Variants in GMEB2 observed in about 807,000 individuals in gnomAD.
GMEB2 encodes the protein glucocorticoid modulatory element-binding protein 2.
A neutral mutation model predicts 45.7 loss-of-function variants in GMEB2; 7 were observed. The ratio of observed to expected loss-of-function variants is 0.15; its 90% confidence interval spans 0.09 to 0.29. The LOEUF (loss-of-function observed/expected upper bound fraction) is 0.29. GMEB2 is among the 10% of genes least tolerant of loss of function. The probability of loss-of-function intolerance (pLI) is 1.00; values close to 1 mark genes in which losing one functional copy is unlikely to be tolerated. For missense variants in GMEB2, 582 were observed against 739.2 expected (o/e 0.79, Z 2.47); for synonymous variants, 322 against 323.6 (o/e 1.00, Z 0.05).
chr20:63,598,343 GACACAC>G (rs67747559), intron 4 of GMEB2, among the ~76,000 whole-genome samples: 10 of 146,160 alleles, frequency 6.8e-5, no homozygotes, highest in Non-Finnish European at 9.0e-5. Context: ...CTCTCACTCT[GACACAC>G]ACACACACAC....
intron 6 of GMEB2, among the ~76,000 whole-genome samples, chr20:63,594,587 C>T (rs534020677): frequency 6.6e-6 from 1 of 152,320 alleles, no homozygotes; most frequent in South Asian, 2.1e-4. Context: ...CTGGGTCCCA[C>T]CTGGGCCAAC....
rs557775803 is a variant in GMEB2, at chr20:63,593,760, G to A, written c.620-678C>T. On this transcript the variant is annotated intron_variant, in intron 6 of 9. Coordinates refer to ENST00000370077, the MANE Select transcript of GMEB2 (RefSeq NM_012384.5). This position sits in a 1 kb window ranked among gnomAD's most constrained non-coding sequence, Gnocchi z 4.7. ...CCCGGGGCCGGATGTGGTGGCTCAC[G>A]CCTGTAATCCAGGCACTTTGGGAGA... Among the ~76,000 whole-genome samples, 4 of 152,296 alleles carry A rather than the reference G, an allele frequency of 2.6e-5. No individual in the cohort carries two copies. In the South Asian group the frequency reaches 8.3e-4, roughly 32 times the overall value.
rs546726142 is a variant in GMEB2, at chr20:63,615,687, G to A, written c.131+3580C>T. Reference sequence around the variant, plus strand: ...GAAGAGATGAAAATTCATCAACATGGAAAGACAAAGATCATTAACTAAAGC... The same window carrying A: ...GAAGAGATGAAAATTCATCAACATGAAAAGACAAAGATCATTAACTAAAGC... On this transcript the variant is annotated intron_variant, in intron 2 of 9. Transcript: ENST00000370077. 6.6e-5 allele frequency among the ~76,000 whole-genome samples: 10 copies of A among 152,210 alleles called. No individual in the cohort carries two copies. The South Asian group carries it at 2.1e-3, about 32-fold the overall frequency.
At chr20:63,595,534 C>T in intron 6 of GMEB2, 76 bp downstream of exon 6, 2 of 1,379,124 alleles carry the variant, frequency 1.5e-6, no homozygotes, top group South Asian at 1.3e-5. Flanking sequence ...CCAAGGAGGC[C>T]ACCCAGGGGC....
intron 4 of GMEB2, among the ~76,000 whole-genome samples, chr20:63,601,833 C>CTTCCGTGGGGCCTGTGGCT (rs1555893588): frequency 2.7e-4 from 39 of 146,080 alleles, no homozygotes; most frequent in African/African-American, 9.4e-4. Flanking sequence ...CTGCCTGTGG[C>CTTCCGTGGGGCCTGTGGCT]TTCCGTGGGG....
intron 2 of GMEB2, among the ~76,000 whole-genome samples, chr20:63,618,169 G>A (rs2089622618): frequency 6.6e-6 from 1 of 152,216 alleles, no homozygotes; most frequent in African/African-American, 2.4e-5. Flanking sequence ...CACGGAAGCT[G>A]TGCACCAAGG....
chr20:63,618,049 C>T (rs4809586), intron 2 of GMEB2, among the ~76,000 whole-genome samples: 26,052 of 152,198 alleles, frequency 0.17, 3,051 homozygotes, highest in East Asian at 0.49. Flanking sequence ...CCCCAGCAGC[C>T]GCGGCCACGG....
chr20:63,591,625 A>G (rs1024184823), intron 9 of GMEB2, among the ~76,000 whole-genome samples: 17 of 151,840 alleles, frequency 1.1e-4, no homozygotes, highest in Non-Finnish European at 1.3e-4. Flanking sequence ...CACCATGCCC[A>G]GTTTTGTTTT....
Position 63,588,821 on chromosome 20 carries a change from G to C in GMEB2, c.*1268C>G. On this transcript the variant is annotated 3_prime_UTR_variant, in exon 10 of 10. Transcript: ENST00000370077. ...TGGAGACGGCAGGAGGCCTGGGCTG[G>C]CTGCTCCCTGAGATGCCTGCCCCAG... The C allele has an allele frequency of 5.0e-6, 2 of 398,756 alleles. No homozygotes were observed. 24.7% of individuals were successfully genotyped at this position (398,756 alleles called of 1,614,324 possible).
Position 63,595,827 on chromosome 20 carries a change from C to T in GMEB2, c.462-60G>A, listed in dbSNP as rs2282157. 1,363 of 1,540,274 alleles carry T rather than the reference C, an allele frequency of 8.8e-4. 10 individuals are homozygous for T. The African/African-American group carries it at 0.017, about 19-fold the overall frequency. On this transcript the variant is annotated intron_variant, in intron 5 of 9. Transcript: ENST00000370077. ...GCCCCAGAGCCGAAGGCACCTGGCC[C>T]GCCCACCCTGACCTGGGCCATCCAC...
intron 1 of GMEB2, among the ~76,000 whole-genome samples, chr20:63,623,910 G>A (rs555834000): frequency 6.7e-6 from 1 of 149,662 alleles, no homozygotes; most frequent in Non-Finnish European, 1.5e-5. Context: ...TCAGGAGTTA[G>A]ACCAGCCTGG....
At position 63,589,321 on chromosome 20, in the gene GMEB2, C is replaced by T. The variant is rs2083122443; in HGVS notation, c.*768G>A. 1 of 398,166 alleles carries T rather than the reference C, an allele frequency of 2.5e-6. No individual in the cohort carries two copies. The highest frequency in any genetic ancestry group is 2.1e-5 in the African/African-American group (1 of 48,628). The allele number at this position is 398,166 out of a possible 1,614,324, so 24.7% of individuals were successfully genotyped here. A position where few individuals can be genotyped will look rare whatever the true frequency, so the allele number is the denominator to read the frequency against. On this transcript the variant is annotated 3_prime_UTR_variant, in exon 10 of 10. Coordinates refer to ENST00000370077, the MANE Select transcript of GMEB2 (RefSeq NM_012384.5). ...CTAACTCGGGAAGCCTAGGCACTCA[C>T]CATTATTTTGGTTGAAAATGCTATA... is the stretch of plus-strand genomic sequence containing the variant.
chr20:63,606,635 C>T (rs909745909), intron 2 of GMEB2, among the ~76,000 whole-genome samples: 3 of 152,156 alleles, frequency 2.0e-5, no homozygotes, highest in African/African-American at 7.2e-5. Context: ...GCATGAGCCA[C>T]TGCGCCCAGC....
At chr20:63,606,917 C>T (rs537045809) in intron 2 of GMEB2, among the ~76,000 whole-genome samples, 106 of 152,300 alleles carry the variant, frequency 7.0e-4, no homozygotes, top group African/African-American at 2.4e-3. Flanking sequence ...CGTTACCACG[C>T]GTACGGGAGA....
At position 63,588,168 on chromosome 20, in the gene GMEB2, C is replaced by CT. The variant is rs1244236083; in HGVS notation, c.*1920dup. On this transcript the variant is annotated 3_prime_UTR_variant, in exon 10 of 10. Transcript: ENST00000370077. ...TGGCTCTGAAATTAACTTCCTCTCC[C>CT]TATGCCTCAGTAGCTAAGGGGCAGG... 6.6e-5 allele frequency: 10 copies of CT among 152,408 alleles called. No homozygotes were observed. The highest frequency in any genetic ancestry group is 5.9e-4 in the Admixed American group (9 of 15,288). 9.4% of individuals were successfully genotyped at this position (152,408 alleles called of 1,614,324 possible).
chr20:63,626,160 T>C (rs528125325), intron 1 of GMEB2, among the ~76,000 whole-genome samples: 1 of 150,784 alleles, frequency 6.6e-6, no homozygotes, highest in African/African-American at 2.4e-5. Context: ...CCTGTGAGCC[T>C]ACAGTGACGC....
rs899567304 is a variant in GMEB2 at position 63,593,529 on chromosome 20, G to A, written c.620-447C>T. Among the ~76,000 whole-genome samples, 2 of 151,740 alleles carry A rather than the reference G, an allele frequency of 1.3e-5. No homozygotes were observed. The highest frequency in any genetic ancestry group is 2.9e-5 in the Non-Finnish European group (2 of 67,970). ...TCGCCTCTTCAAGTGATGCTTCATT[G>A]AAGTCATCATAAATCTCAGTATCTA... On this transcript the variant is annotated intron_variant, in intron 6 of 9. Transcript: ENST00000370077. The surrounding 1 kb of genome is among the most constrained non-coding windows in gnomAD (Gnocchi z 4.7).
Position 63,590,430 on chromosome 20 carries a change from G to T in GMEB2, c.1252C>A (p.Pro418Thr). ...TVLGKGSLQA[P>T]PASSPASPLL... ...GGGGAGGCCGGGGAGCTGGCGGGGG[G>T]CGCCTGAAGGGAACCCTTGCCCAGG... is the stretch of plus-strand genomic sequence containing the variant. Residue 418 changes from proline to threonine, a missense_variant, in exon 10 of 10, where the codon CCC (proline) becomes ACC (threonine). Physicochemically the swap from Pro to Thr is conservative, Grantham distance 38 (BLOSUM62 -1). This residue lies in a region of GMEB2 where 462 missense variants were observed against 586.7 expected (regional missense o/e 0.79). Transcript: ENST00000370077. 6.4e-7 allele frequency: 1 copy of T among 1,551,088 alleles called. No individual in the cohort carries two copies. Among genetic ancestry groups the T allele is most frequent in the Non-Finnish European group, 8.7e-7 (1 of 1,143,372 alleles).
intron 6 of GMEB2, among the ~76,000 whole-genome samples, chr20:63,594,155 G>A (rs16983844): frequency 0.16 from 24,030 of 152,294 alleles, 2,679 homozygotes; most frequent in East Asian, 0.49. Flanking sequence ...TGAATGAGTC[G>A]TTTTTCCGAG....
Sources: gnomAD v4.1 joint callset for allele counts (sites outside exome capture counted in the v4.1 genomes callset) on GRCh38, gnomAD v4.1.1 for gene constraint, gnomAD v4.1.1 regional missense constraint, Gnocchi (gnomAD v3.1) non-coding constraint, MANE v1.5 for transcripts, NCBI Gene and HGNC (gene_info 2026-07-23, HGNC 2026-07-21) for gene names.